The following FBXO42 variants were observed in gnomAD, a reference collection of about 807,000 sequenced individuals.
FBXO42 encodes F-box protein 42.
A neutral mutation model predicts 71.7 loss-of-function variants in FBXO42; 12 were observed. The observed-to-expected ratio is 0.17, with a 90% CI of 0.11 to 0.27. FBXO42 has a LOEUF of 0.27. FBXO42 is among the 10% of genes least tolerant of loss of function. FBXO42 has a pLI of 1.00. For synonymous variants in FBXO42, 325 were observed against 327.5 expected, an observed-to-expected ratio of 0.99 and a Z score of 0.08; for missense variants, 707 against 911.9, an observed-to-expected ratio of 0.78 and a Z score of 2.89.
At chr1:16,350,396 T>C (rs1272615516) in intron 1 of FBXO42, among the ~76,000 whole-genome samples, 1 of 151,738 alleles carries the variant, frequency 6.6e-6, no homozygotes, top group Non-Finnish European at 1.5e-5. Context: ...GATTTACATC[T>C]TTAGCAAAGA....
chr1:16,288,469 A>ATAG (rs1056510721), intron 4 of FBXO42, among the ~76,000 whole-genome samples: 3 of 151,110 alleles, frequency 2.0e-5, no homozygotes, highest in Non-Finnish European at 4.4e-5. Flanking sequence ...AATAATAATA[A>ATAG]TAAACAAATG....
chr1:16,255,858 C>T, intron 5 of FBXO42, 37 bp from the exon 6 acceptor site: 4 of 1,439,186 alleles, frequency 2.8e-6, no homozygotes, highest in African/African-American at 1.4e-5. Flanking sequence ...AAGAAGTCAG[C>T]ACCACACACT....
At chr1:16,309,221 C>T (rs1362380929) in intron 2 of FBXO42, among the ~76,000 whole-genome samples, 77 of 151,606 alleles carry the variant, frequency 5.1e-4, no homozygotes. Context: ...GCACGCGCCA[C>T]CATACCCAGC....
chr1:16,341,042 G>A (rs1243236102), intron 1 of FBXO42, among the ~76,000 whole-genome samples: 1 of 152,170 alleles, frequency 6.6e-6, no homozygotes, highest in Non-Finnish European at 1.5e-5. Flanking sequence ...TCCTCACTGT[G>A]TAGGTGTGGA....
chr1:16,296,887 C>A (rs1215033366), intron 3 of FBXO42, among the ~76,000 whole-genome samples: 1 of 151,256 alleles, frequency 6.6e-6, no homozygotes, highest in African/African-American at 2.4e-5. Flanking sequence ...CTGTGATACA[C>A]ACTATACTAG....
chr1:16,268,998 G>C (rs1294898943), intron 4 of FBXO42, among the ~76,000 whole-genome samples: 11 of 151,644 alleles, frequency 7.3e-5, no homozygotes, highest in African/African-American at 2.7e-4. Context: ...AGCAGAGATG[G>C]GAGTGTTTCA....
intron 4 of FBXO42, among the ~76,000 whole-genome samples, chr1:16,287,231 TTC>T (rs1355799832): frequency 1.3e-5 from 2 of 152,358 alleles, no homozygotes; most frequent in South Asian, 4.1e-4. Flanking sequence ...GCACTGATTA[TTC>T]TCTGTTTGAA....
At position 16,315,343 on chromosome 1, in the gene FBXO42, T is replaced by C. The variant is rs1480095527; in HGVS notation, c.76A>G (p.Met26Val). The part of the protein sequence containing the change: ...DQEETVLEGT[M>V]DQDEEPHPVL... Reference sequence around the variant, plus strand: ...GGGTGGGGCTCCTCATCTTGATCCATTGTCCCTTCCAGCACAGTTTCTTCC... The same window carrying C: ...GGGTGGGGCTCCTCATCTTGATCCACTGTCCCTTCCAGCACAGTTTCTTCC... Residue 26 changes from methionine to valine, a missense_variant, in exon 2 of 10, where the codon ATG (methionine) becomes GTG (valine). This residue lies in a region of FBXO42 where 188 missense variants were observed against 230.5 expected (regional missense o/e 0.82). Transcript: ENST00000375592. 1.9e-6 allele frequency: 3 copies of C among 1,614,062 alleles called. No homozygotes were observed. The highest frequency in any genetic ancestry group is 2.2e-5 in the East Asian group (1 of 44,898).
At chr1:16,313,324 C>CAAACAAAGAAAGAAAG (rs1218170929) in intron 2 of FBXO42, among the ~76,000 whole-genome samples, 3 of 137,714 alleles carry the variant, frequency 2.2e-5, no homozygotes, top group African/African-American at 8.6e-5. Context: ...GAAAAGAAAA[C>CAAACAAAGAAAGAAAG]AAAGAAAGAA....
At chr1:16,337,871 G>A (rs1156480025) in intron 1 of FBXO42, among the ~76,000 whole-genome samples, 9 of 84,840 alleles carry the variant, frequency 1.1e-4, no homozygotes, top group East Asian at 5.4e-4. Flanking sequence ...GAGAAAGAGC[G>A]AGACTCCGTC....
intron 4 of FBXO42, among the ~76,000 whole-genome samples, chr1:16,263,088 TCAAGAAAAA>T (rs2081732367): frequency 6.6e-6 from 1 of 152,112 alleles, no homozygotes; most frequent in South Asian, 2.1e-4. Context: ...TACTAGAATT[TCAAGAAAAA>T]CAAGAAAAGC....
At chr1:16,278,996 G>C (rs1323370456) in intron 4 of FBXO42, among the ~76,000 whole-genome samples, 1 of 152,012 alleles carries the variant, frequency 6.6e-6, no homozygotes, top group South Asian at 2.1e-4. Flanking sequence ...GGCTGGTCTC[G>C]AACTCCCGAC....
At chr1:16,325,689 CTTTGT>C (rs1557602695) in intron 1 of FBXO42, among the ~76,000 whole-genome samples, 2 of 152,080 alleles carry the variant, frequency 1.3e-5, no homozygotes, top group African/African-American at 4.8e-5. Flanking sequence ...GAGAGTCTGG[CTTTGT>C]CACCTAGGCT....
chr1:16,345,413 ACT>A (rs1365459182), intron 1 of FBXO42, among the ~76,000 whole-genome samples: 1 of 151,812 alleles, frequency 6.6e-6, no homozygotes, highest in Non-Finnish European at 1.5e-5. Flanking sequence ...ATGGAGCGAG[ACT>A]CTGTCTTAAA....
intron 2 of FBXO42, among the ~76,000 whole-genome samples, chr1:16,312,369 A>G (rs191423334): frequency 7.3e-4 from 111 of 152,264 alleles, no homozygotes; most frequent in Non-Finnish European, 1.2e-3. Context: ...CTCAAAAAAT[A>G]AGGAGGAAAC....
At chr1:16,350,616 G>A (rs2082690923) in intron 1 of FBXO42, among the ~76,000 whole-genome samples, 1 of 146,386 alleles carries the variant, frequency 6.8e-6, no homozygotes, top group African/African-American at 2.5e-5. Flanking sequence ...GCGTGGTGGC[G>A]CACACCTGTA....
rs1221377687 is a variant in FBXO42, at chr1:16,329,162, C to CAA, written c.-17-13729_-17-13728dup. ...TGGGCAACAGAGTGAGACTCTGTCT[C>CAA]AAAAAAAAAAAAAAAAAAAAGAAAA... On this transcript the variant is annotated intron_variant, in intron 1 of 9. Transcript: ENST00000375592. 9.8e-4 allele frequency among the ~76,000 whole-genome samples: 59 copies of CAA among 60,332 alleles called. 1 individual carries two copies. Among genetic ancestry groups the CAA allele is most frequent in the Non-Finnish European group, 1.2e-3 (37 of 30,090 alleles). 39.6% of individuals were successfully genotyped at this position (60,332 alleles called of 152,430 possible).
At chr1:16,256,412 G>T (rs2081645383) in intron 5 of FBXO42, among the ~76,000 whole-genome samples, 194 bp downstream of exon 5, 1 of 152,002 alleles carries the variant, frequency 6.6e-6, no homozygotes, top group African/African-American at 2.4e-5. Context: ...CTAAATGCAG[G>T]GTTCTAAGAG....
At chr1:16,314,854 A>G (rs2082347616) in intron 2 of FBXO42, among the ~76,000 whole-genome samples, 1 of 151,872 alleles carries the variant, frequency 6.6e-6, no homozygotes, top group Non-Finnish European at 1.5e-5. Context: ...ACTGCACTCC[A>G]GCCTGGGCGA....
Sources: gnomAD v4.1 joint callset for allele counts (sites outside exome capture counted in the v4.1 genomes callset) on GRCh38, gnomAD v4.1.1 for gene constraint, gnomAD v4.1.1 regional missense constraint, MANE v1.5 for transcripts, NCBI Gene and HGNC (gene_info 2026-07-23, HGNC 2026-07-21) for gene names.